NIPA2: variants seen among roughly 807,000 people sequenced by gnomAD.
The protein encoded by NIPA2 is magnesium transporter NIPA2.
NIPA2 carries 11 observed loss-of-function variants against 29.7 expected under a neutral mutation model. The ratio of observed to expected loss-of-function variants is 0.37; its 90% CI spans 0.23 to 0.61. The LOEUF is 0.61. Ranked by LOEUF, NIPA2 falls within the 20% of genes least tolerant of loss-of-function variation. The probability of loss-of-function intolerance (pLI) is 0.66; values close to 1 mark genes in which losing one functional copy is unlikely to be tolerated. For synonymous variants in NIPA2, 183 were observed against 161.9 expected (o/e 1.13, Z -0.99); for missense variants, 426 against 437.9 (o/e 0.97, Z 0.24).
chr15:22,840,991 G>C (rs1896940808), intron 2 of NIPA2, among the ~76,000 whole-genome samples: 1 of 138,014 alleles, frequency 7.2e-6, no homozygotes. Flanking sequence ...AGAAAGATAA[G>C]ACTTCTGCAG....
intron 5 of NIPA2, among the ~76,000 whole-genome samples, chr15:22,854,381 T>A (rs530508490): frequency 1.8e-4 from 27 of 150,692 alleles, no homozygotes; most frequent in Non-Finnish European, 3.8e-4. Flanking sequence ...TGCCTCAGCC[T>A]CCCAAAGTGC....
At chr15:22,852,642 C>T (rs1237927095) in intron 4 of NIPA2, among the ~76,000 whole-genome samples, 1 of 152,096 alleles carries the variant, frequency 6.6e-6, no homozygotes, top group African/African-American at 2.4e-5. Flanking sequence ...TAGGTTGTTT[C>T]TCTAGAAATC....
At chr15:22,853,362 G>T in intron 5 of NIPA2, 94 bp downstream of exon 5, 2 of 711,982 alleles carry the variant, frequency 2.8e-6, no homozygotes, top group Admixed American at 2.6e-5. Context: ...AAGTTTTAAA[G>T]GTTTAAATAA....
rs4457962 is a variant in NIPA2 at position 22,846,697 on chromosome 15, T to C, written c.-94+1430T>C. Among the ~76,000 whole-genome samples the C allele has an allele frequency of 6.0e-3, 917 of 151,604 alleles. 7 individuals carry two copies. Among genetic ancestry groups the C allele is most frequent in the Non-Finnish European group, 8.3e-3 (562 of 67,886 alleles). ...GTGGTGTAGTGTTGCACACTTATGGTCCCAGCTACTTGAGAGGCTGAGGTG... is the reference window on the plus strand; with the variant it reads ...GTGGTGTAGTGTTGCACACTTATGGCCCCAGCTACTTGAGAGGCTGAGGTG... On this transcript the variant is annotated intron_variant, in intron 3 of 7. Transcript: ENST00000337451.
chr15:22,841,479 G>T (rs1316320422), intron 2 of NIPA2, among the ~76,000 whole-genome samples: 1 of 152,110 alleles, frequency 6.6e-6, no homozygotes, highest in East Asian at 1.9e-4. Context: ...TTTGTGTATG[G>T]CCCATAGGGC....
In NIPA2 at chr15:22,866,574, G is replaced by C; in HGVS notation, c.810G>C (p.Glu270Asp). The C allele has an allele frequency of 6.2e-7, 1 of 1,614,124 alleles. No homozygotes were observed. Among genetic ancestry groups the C allele is most frequent in the Non-Finnish European group, 8.5e-7 (1 of 1,179,982 alleles). The stretch of plus-strand genomic sequence containing the variant: ...CTTGTTCAGCTATTCTTTTTAAGGA[G>C]TGGCAAGATATGCCTGTTGACGATG... ...VLTCSAILFKEWQDMPVDDVI... is the reference protein window; with the variant it reads ...VLTCSAILFKDWQDMPVDDVI... The change falls in exon 8 of 8, where the codon GAG becomes GAC. Residue 270 changes from glutamate (E) to aspartate (D), a missense_variant. Glu to Asp is a conservative substitution (Grantham distance 45, BLOSUM62 2). This residue lies in a region of NIPA2 where 357 missense variants were observed against 339.8 expected (regional missense o/e 1.05). Coordinates refer to ENST00000337451, the MANE Select transcript of NIPA2 (RefSeq NM_030922.7).
intron 3 of NIPA2, among the ~76,000 whole-genome samples, chr15:22,848,988 A>G (rs755433719): frequency 1.3e-5 from 2 of 152,158 alleles, no homozygotes; most frequent in Non-Finnish European, 2.9e-5. Flanking sequence ...GATGCAGGAG[A>G]CTGGCTGATA....
chr15:22,849,653 A>G (rs1235382746), intron 3 of NIPA2, among the ~76,000 whole-genome samples: 2 of 150,828 alleles, frequency 1.3e-5, no homozygotes, highest in Admixed American at 1.3e-4. Flanking sequence ...TCCCCGTCCC[A>G]GGTTCATGCC....
At chr15:22,865,124 T>G (rs2058898133) in intron 7 of NIPA2, among the ~76,000 whole-genome samples, 1 of 151,852 alleles carries the variant, frequency 6.6e-6, no homozygotes. Context: ...GGCCTCCCAG[T>G]GCTGGGATTA....
chr15:22,851,885 A>G lies in NIPA2; in HGVS notation c.139+15A>G. On this transcript the variant is annotated intron_variant, in intron 4 of 7. Coordinates refer to ENST00000337451, the MANE Select transcript of NIPA2 (RefSeq NM_030922.7). ...TATGAGAGCAGGTAGGTTATGCCTT[A>G]TGTGACTTTGAAGTGACCTCAGTGT... 6.2e-7 allele frequency: 1 copy of G among 1,609,586 alleles called. No individual in the cohort carries two copies. Among genetic ancestry groups the G allele is most frequent in the South Asian group, 1.1e-5 (1 of 90,412 alleles).
intron 1 of NIPA2, 99 bp downstream of exon 1, chr15:22,839,020 T>G (rs1896285871): frequency 6.6e-6 from 1 of 152,222 alleles, no homozygotes; most frequent in Non-Finnish European, 1.5e-5. Context: ...CGGGCAACTT[T>G]CCTTTCCGGG....
At chr15:22,843,128 G>A (rs2141009063) in intron 2 of NIPA2, among the ~76,000 whole-genome samples, 1 of 152,198 alleles carries the variant, frequency 6.6e-6, no homozygotes, top group South Asian at 2.1e-4. Context: ...TTCTTCAGCA[G>A]AAGGCTGAGA....
rs1745320330 is a variant in NIPA2 at position 22,858,201 on chromosome 15, G to A, written c.197-339G>A. 4.6e-5 allele frequency among the ~76,000 whole-genome samples: 7 copies of A among 152,176 alleles called. No homozygotes were observed. In the South Asian group the frequency reaches 1.2e-3, roughly 27 times the overall value. On this transcript the variant is annotated intron_variant, in intron 5 of 7. Coordinates refer to ENST00000337451, the MANE Select transcript of NIPA2 (RefSeq NM_030922.7). ...GAGGTCAGGAGATCAAGACCATCCT[G>A]GCTAACACGGTGAAACTCCGTCTCT... is the stretch of plus-strand genomic sequence containing the variant.
chr15:22,858,612 C>T lies in NIPA2; in HGVS notation c.269C>T (p.Ala90Val). 6.3e-7 allele frequency: 1 copy of T among 1,598,994 alleles called. No homozygotes were observed. The highest frequency in any genetic ancestry group is 2.2e-5 in the East Asian group (1 of 44,498). ...GCCACTCTAGTGACTCCACTAGGAG[C>T]TCTCAGCGTGCTAGTAAGGTAAGGA... is the stretch of plus-strand genomic sequence containing the variant. ...APATLVTPLG[A>V]LSVLVSAILS... Residue 90 changes from alanine to valine, a missense_variant, in exon 6 of 8, where the codon GCT becomes GTT. Physicochemically the swap from Ala to Val is moderately conservative, Grantham distance 64 (BLOSUM62 0). Transcript: ENST00000337451.
chr15:22,843,262 T>C (rs564801569), intron 2 of NIPA2, among the ~76,000 whole-genome samples: 2 of 152,132 alleles, frequency 1.3e-5, no homozygotes, highest in East Asian at 1.9e-4. Flanking sequence ...CCCAGCACTT[T>C]AGGAGGCCAA....
chr15:22,868,086 C>G lies in NIPA2; in HGVS notation c.*1239C>G, dbSNP rs2059262838. On this transcript the variant is annotated 3_prime_UTR_variant, in exon 8 of 8. Transcript: ENST00000337451. ...ACCCAGTGGTGCGCCAGCGCCAAGC[C>G]ATCACTCCCCGAGGGCCTCCCCTGC... The G allele has an allele frequency of 6.6e-6, 1 of 152,242 alleles. No individual in the cohort carries two copies. Among genetic ancestry groups the G allele is most frequent in the Non-Finnish European group, 1.5e-5 (1 of 68,060 alleles). 9.4% of individuals were successfully genotyped at this position (152,242 alleles called of 1,614,324 possible). A position where few individuals can be genotyped will look rare whatever the true frequency, so the allele number is the denominator to read the frequency against.
At chr15:22,855,068 A>G (rs987480671) in intron 5 of NIPA2, among the ~76,000 whole-genome samples, 2 of 152,186 alleles carry the variant, frequency 1.3e-5, no homozygotes, top group Non-Finnish European at 2.9e-5. Flanking sequence ...TAAAAATACA[A>G]AAAATCACCA....
intron 1 of NIPA2, among the ~76,000 whole-genome samples, 178 bp from the exon 2 acceptor site, chr15:22,839,477 T>C (rs974911102): frequency 2.0e-5 from 3 of 152,164 alleles, no homozygotes; most frequent in African/African-American, 7.2e-5. Context: ...TAAGAGGAAA[T>C]ATCAGAGTCG....
At chr15:22,846,206 CTAA>C (rs1898589433) in intron 3 of NIPA2, among the ~76,000 whole-genome samples, 1 of 152,158 alleles carries the variant, frequency 6.6e-6, no homozygotes, top group Non-Finnish European at 1.5e-5. Context: ...TGCAGAAAGA[CTAA>C]TAATTGCTTT....
Sources: gnomAD v4.1 joint callset for allele counts (sites outside exome capture counted in the v4.1 genomes callset) on GRCh38, gnomAD v4.1.1 for gene constraint, gnomAD v4.1.1 regional missense constraint, MANE v1.5 for transcripts, NCBI Gene and HGNC (gene_info 2026-07-23, HGNC 2026-07-21) for gene names.